The following AK4 variants were observed in gnomAD, a reference collection of about 807,000 sequenced individuals.
AK4 encodes adenylate kinase 4.
Under a neutral mutation model 24.6 loss-of-function variants are expected in AK4, and 13 were observed. The ratio of observed to expected loss-of-function variants is 0.53; its 90% CI spans 0.34 to 0.84. AK4 has a LOEUF of 0.84. Among genes scored for constraint, AK4 ranks in the 40% least tolerant of loss-of-function variants. The pLI is 0.01. For missense variants in AK4, 192 were observed against 288.2 expected, an observed-to-expected ratio of 0.67 and a Z score of 2.42; for synonymous variants, 88 against 107.0, an observed-to-expected ratio of 0.82 and a Z score of 1.10.
chr1:65,216,355 C>T (rs1652130349), intron 2 of AK4, among the ~76,000 whole-genome samples: 1 of 152,126 alleles, frequency 6.6e-6, no homozygotes, highest in Non-Finnish European at 1.5e-5. Flanking sequence ...AACTCCTAGC[C>T]TCAAGTGATC....
chr1:65,212,511 C>T (rs1652002676), intron 2 of AK4, among the ~76,000 whole-genome samples: 2 of 152,180 alleles, frequency 1.3e-5, no homozygotes, highest in Middle Eastern at 3.4e-3. Flanking sequence ...TATTTTGAGA[C>T]AGGATCTTGG....
At chr1:65,164,139 C>T in intron 1 of AK4, among the ~76,000 whole-genome samples, 1 of 152,018 alleles carries the variant, frequency 6.6e-6, no homozygotes, top group Middle Eastern at 3.2e-3. Flanking sequence ...CAGACTGGTC[C>T]CCAGGCAAGA....
chr1:65,219,220 T>A (rs1400753216), intron 3 of AK4, among the ~76,000 whole-genome samples: 1 of 151,464 alleles, frequency 6.6e-6, no homozygotes, highest in Non-Finnish European at 1.5e-5. Flanking sequence ...TTATTTTATT[T>A]AAAAAATAAA....
chr1:65,184,411 A>C (rs1220437235), intron 1 of AK4, among the ~76,000 whole-genome samples: 2 of 152,144 alleles, frequency 1.3e-5, no homozygotes, highest in Non-Finnish European at 2.9e-5. Flanking sequence ...TAAACACATG[A>C]TGGATTTATT....
chr1:65,155,600 A>G (rs1649952013), intron 1 of AK4, among the ~76,000 whole-genome samples: 1 of 152,204 alleles, frequency 6.6e-6, no homozygotes, highest in Non-Finnish European at 1.5e-5. Context: ...GATGAAAACA[A>G]TCACTTGTAA....
intron 1 of AK4, among the ~76,000 whole-genome samples, chr1:65,164,241 C>A (rs1650258667): frequency 6.6e-6 from 1 of 152,122 alleles, no homozygotes; most frequent in South Asian, 2.1e-4. Flanking sequence ...TTGGCCTACA[C>A]CCAGGAATGA....
At chr1:65,159,009 G>GAGGTGAGACTAGTTAAACAACT (rs1192753328) in intron 1 of AK4, among the ~76,000 whole-genome samples, 1 of 152,160 alleles carries the variant, frequency 6.6e-6, no homozygotes, top group East Asian at 1.9e-4. Flanking sequence ...TAAGTTCTGA[G>GAGGTGAGACTAGTTAAACAACT]AGTTTTTGTA....
At chr1:65,205,258 A>G (rs1651779589) in intron 2 of AK4, among the ~76,000 whole-genome samples, 1 of 152,186 alleles carries the variant, frequency 6.6e-6, no homozygotes, top group Admixed American at 6.5e-5. Context: ...TGTTAAATAG[A>G]GACAGGTCTT....
intron 3 of AK4, 27 bp from the exon 4 acceptor site, chr1:65,224,725 A>G (rs1420661698): frequency 1.3e-6 from 2 of 1,585,952 alleles, no homozygotes; most frequent in African/African-American, 2.7e-5. Flanking sequence ...TGTTGTCTAT[A>G]TTAATTGGTT....
chr1:65,180,855 G>T (rs1650880917), intron 1 of AK4, among the ~76,000 whole-genome samples: 1 of 152,086 alleles, frequency 6.6e-6, no homozygotes, highest in African/African-American at 2.4e-5. Context: ...GTGATGTTTT[G>T]GCGAAGGGAT....
At chr1:65,189,655 G>GCACACACA (rs71681774) in intron 1 of AK4, among the ~76,000 whole-genome samples, 75 of 135,706 alleles carry the variant, frequency 5.5e-4, no homozygotes, top group African/African-American at 2.1e-3. Flanking sequence ...ACATACGCGT[G>GCACACACA]CACACACACA....
chr1:65,160,844 A>G (rs1377888852), intron 1 of AK4, among the ~76,000 whole-genome samples: 3 of 152,270 alleles, frequency 2.0e-5, no homozygotes, highest in South Asian at 2.1e-4. Context: ...ATCTGCCTGC[A>G]TCGGCTTCTC....
rs768280167 is a variant in AK4 at position 65,224,841 on chromosome 1, C to T, written c.528C>T (p.Asp176=). The T allele has an allele frequency of 1.4e-5, 23 of 1,613,614 alleles. No homozygotes were observed. The highest frequency in any genetic ancestry group is 1.8e-5 in the Non-Finnish European group (21 of 1,179,716). ...CTGCCAGGCTAAGACAGTACAAAGA[C>T]GTGGCAAAGCCAGTCATTGAATTAT... The part of the protein sequence containing the change: ...AVAARLRQYK[D]VAKPVIELYK... Residue 176 remains aspartate (D), a synonymous_variant, in exon 4 of 5, where the codon GAC becomes GAT. Coordinates refer to ENST00000327299, the MANE Select transcript of AK4 (RefSeq NM_013410.4).
intron 1 of AK4, among the ~76,000 whole-genome samples, chr1:65,173,226 A>G (rs1254754834): frequency 6.6e-6 from 1 of 152,108 alleles, no homozygotes; most frequent in Non-Finnish European, 1.5e-5. Context: ...GGTGTGTGGC[A>G]TGGTAGTGGC....
At chr1:65,224,940 C>A in intron 4 of AK4, 70 bp downstream of exon 4, 1 of 1,208,790 alleles carries the variant, frequency 8.3e-7, no homozygotes, top group Non-Finnish European at 1.2e-6. Flanking sequence ...GGGAGGAACA[C>A]GGGGCTGAGG....
intron 1 of AK4, among the ~76,000 whole-genome samples, chr1:65,170,983 G>T (rs1168478767): frequency 6.9e-6 from 1 of 144,560 alleles, no homozygotes; most frequent in African/African-American, 2.5e-5. Context: ...TTTGAGACAA[G>T]GTCTTGCTTT....
At chr1:65,176,138 GA>G (rs1650706319) in intron 1 of AK4, among the ~76,000 whole-genome samples, 1 of 152,192 alleles carries the variant, frequency 6.6e-6, no homozygotes, top group South Asian at 2.1e-4. Context: ...GGCGGAATGA[GA>G]AAGCCTAAGG....
At chr1:65,189,603 A>G (rs1296661531) in intron 1 of AK4, among the ~76,000 whole-genome samples, 2 of 152,046 alleles carry the variant, frequency 1.3e-5, no homozygotes, top group African/African-American at 2.4e-5. Context: ...AGCATTCATT[A>G]TAAGTTCCCC....
chr1:65,193,015 G>C (rs957783776), intron 2 of AK4, among the ~76,000 whole-genome samples: 1 of 152,208 alleles, frequency 6.6e-6, no homozygotes, highest in African/African-American at 2.4e-5. Flanking sequence ...CAGTTCTGGG[G>C]TGTTGACAGT....
Sources: allele counts gnomAD v4.1 joint callset (sites outside exome capture counted in the v4.1 genomes callset), GRCh38; gene constraint gnomAD v4.1.1; transcripts MANE v1.5; gene names NCBI Gene and HGNC (gene_info 2026-07-23, HGNC 2026-07-21).